IQCH: variants seen among roughly 807,000 people sequenced by gnomAD.
IQCH encodes the protein IQ motif containing H.
In IQCH, 98 loss-of-function variants were observed where a neutral mutation model predicts 117.0. The observed-to-expected ratio is 0.84, with a 90% CI of 0.71 to 0.99. The LOEUF is 0.99. Ranked by LOEUF, IQCH falls within the 50% of genes least tolerant of loss-of-function variation. IQCH has a pLI of 0.00. For synonymous variants in IQCH, 412 were observed against 448.2 expected, an observed-to-expected ratio of 0.92 and a Z score of 1.02; for missense variants, 1,102 against 1,243.8, an observed-to-expected ratio of 0.89 and a Z score of 1.72.
chr15:67,392,306 C>T (rs749887173), intron 12 of IQCH, among the ~76,000 whole-genome samples: 26 of 152,024 alleles, frequency 1.7e-4, no homozygotes, highest in African/African-American at 3.4e-4. Context: ...CCATTCAGTT[C>T]GTTTTCTTTT....
In IQCH at chr15:67,279,309, A is replaced by T. The variant is rs1966253177; in HGVS notation, c.270-86A>T. On this transcript the variant is annotated intron_variant, in intron 3 of 20. Coordinates refer to ENST00000335894, the MANE Select transcript of IQCH (RefSeq NM_001031715.3). ...AATATTTCCTATAAAATATAAGCTT[A>T]ATTAGGAAGCATTGTTTTAAAATTA... 6 of 697,744 alleles carry T rather than the reference A, an allele frequency of 8.6e-6. No homozygotes were observed. In the South Asian group the frequency reaches 1.0e-4, roughly 12 times the overall value. 43.2% of individuals were successfully genotyped at this position (697,744 alleles called of 1,614,324 possible).
In IQCH at chr15:67,445,151, C is replaced by T. The variant is rs1457290185; in HGVS notation, c.2506-19976C>T. ...CAGTAAAACAAAAACTTAAACACGT[C>T]GTTGAACATCTGTTACTAGTACAGT... On this transcript the variant is annotated intron_variant, in intron 16 of 20. Transcript: ENST00000335894. The surrounding 1 kb of genome is among the most constrained non-coding windows in gnomAD (Gnocchi z 4.3). 6.6e-6 allele frequency among the ~76,000 whole-genome samples: 1 copy of T among 152,018 alleles called. No individual in the cohort carries two copies. The highest frequency in any genetic ancestry group is 2.4e-5 in the African/African-American group (1 of 41,380).
At chr15:67,435,885 T>C (rs1419048325) in intron 16 of IQCH, among the ~76,000 whole-genome samples, 1 of 151,062 alleles carries the variant, frequency 6.6e-6, no homozygotes, top group Non-Finnish European at 1.5e-5. Context: ...AAAAAAAAAG[T>C]CTATTCAGAT....
intron 4 of IQCH, among the ~76,000 whole-genome samples, chr15:67,320,372 C>G (rs1198224277): frequency 6.6e-6 from 1 of 152,176 alleles, no homozygotes; most frequent in African/African-American, 2.4e-5. Context: ...TTTCTTAGAT[C>G]TTAACTGAAA....
rs1211388675 is a variant in IQCH at position 67,359,343 on chromosome 15, A to T, written c.715-504A>T. Among the ~76,000 whole-genome samples the T allele has an allele frequency of 2.0e-5, 3 of 152,368 alleles. No individual in the cohort carries two copies. Among genetic ancestry groups the T allele is most frequent in the East Asian group, 3.9e-4 (2 of 5,184 alleles). ...AAAGCTCTCCCCAACTGCTGGAAAC[A>T]GTAATATTTAATGACTTTTTCCTGT... On this transcript the variant is annotated intron_variant, in intron 7 of 20. Transcript: ENST00000335894. This position sits in a 1 kb window ranked among gnomAD's most constrained non-coding sequence, Gnocchi z 4.5.
At chr15:67,351,092 C>CT (rs1362795060) in intron 6 of IQCH, among the ~76,000 whole-genome samples, 6 of 152,120 alleles carry the variant, frequency 3.9e-5, no homozygotes, top group African/African-American at 1.2e-4. Flanking sequence ...GTTTATTTTA[C>CT]TTTAAGTTCT....
chr15:67,337,192 C>T (rs1288207173), intron 5 of IQCH, 97 bp downstream of exon 5: 3 of 1,378,860 alleles, frequency 2.2e-6, no homozygotes, highest in South Asian at 1.3e-5. Flanking sequence ...GGCTCAGCCA[C>T]TAATTCTCCT....
rs1452529775 is a variant in IQCH at position 67,340,452 on chromosome 15, A to AC, written c.508+3357_508+3358insC. On this transcript the variant is annotated intron_variant, in intron 5 of 20. Transcript: ENST00000335894. Reference sequence around the variant, plus strand: ...AAAAAAAAAAAAAAAAAAAAAAAAAAAAAAAAAAAAAACAGTAACTTGTCA... The same window carrying AC: ...AAAAAAAAAAAAAAAAAAAAAAAAAACAAAAAAAAAAAACAGTAACTTGTCA... Among the ~76,000 whole-genome samples, 203 of 116,284 alleles carry AC rather than the reference A, an allele frequency of 1.7e-3. 6 individuals are homozygous for AC. Among genetic ancestry groups the AC allele is most frequent in the East Asian group, 0.016 (30 of 1,880 alleles). 76.3% of individuals were successfully genotyped at this position (116,284 alleles called of 152,430 possible).
At position 67,475,970 on chromosome 15, in the gene IQCH, C is replaced by T. The variant is rs1367868898; in HGVS notation, c.2799+152C>T. ...AGGCTGATTGCTGCTTGGGGAAGAG[C>T]AGATACGCAACTCCACAGAAAGTAG... On this transcript the variant is annotated intron_variant, in intron 18 of 20. Transcript: ENST00000335894. The surrounding 1 kb of genome is among the most constrained non-coding windows in gnomAD (Gnocchi z 5.7). The T allele has an allele frequency of 7.4e-6, 5 of 674,126 alleles. No homozygotes were observed. Among genetic ancestry groups the T allele is most frequent in the Non-Finnish European group, 1.3e-5 (5 of 399,868 alleles). 41.8% of individuals were successfully genotyped at this position (674,126 alleles called of 1,614,324 possible).
chr15:67,475,750 C>A lies in IQCH; in HGVS notation c.2731C>A (p.Leu911Ile). The A allele has an allele frequency of 6.2e-7, 1 of 1,614,120 alleles. No individual in the cohort carries two copies. Among genetic ancestry groups the A allele is most frequent in the Non-Finnish European group, 8.5e-7 (1 of 1,179,950 alleles). The change falls in exon 18 of 21, where the codon CTC becomes ATC. Residue 911 changes from leucine (L) to isoleucine (I), a missense_variant. Physicochemically the swap from Leu to Ile is conservative, Grantham distance 5. This residue lies in a region of IQCH where 650 missense variants were observed against 794.3 expected (regional missense o/e 0.82). Coordinates refer to ENST00000335894, the MANE Select transcript of IQCH (RefSeq NM_001031715.3). This position sits in a 1 kb window ranked among gnomAD's most constrained non-coding sequence, Gnocchi z 5.7. ...GACCACCCAGCTAAGACACAGCAAT[C>A]TCTCACTGGTTTTCCACTATGTTTT... is the stretch of plus-strand genomic sequence containing the variant. ...VMTTQLRHSN[L>I]SLVFHYVFLQ...
At chr15:67,434,921 G>A (rs992782431) in intron 16 of IQCH, among the ~76,000 whole-genome samples, 73 of 150,220 alleles carry the variant, frequency 4.9e-4, no homozygotes, top group African/African-American at 1.6e-3. Flanking sequence ...GACTACAAGC[G>A]CGTCACCACG....
rs1163906914 is a variant in IQCH, at chr15:67,456,251, G to A, written c.2506-8876G>A. ...GATCCTCAAATTAATTTTAGATATAGTTTCTGCATATCATGAACGAATTTC... is the reference window on the plus strand; with the variant it reads ...GATCCTCAAATTAATTTTAGATATAATTTCTGCATATCATGAACGAATTTC... On this transcript the variant is annotated intron_variant, in intron 16 of 20. Transcript: ENST00000335894. The surrounding 1 kb of genome is among the most constrained non-coding windows in gnomAD (Gnocchi z 5.1). Among the ~76,000 whole-genome samples, 1 of 152,168 alleles carries A rather than the reference G, an allele frequency of 6.6e-6. No homozygotes were observed. The highest frequency in any genetic ancestry group is 2.4e-5 in the African/African-American group (1 of 41,438).
At chr15:67,301,918 C>T (rs1967064434) in intron 4 of IQCH, among the ~76,000 whole-genome samples, 1 of 152,132 alleles carries the variant, frequency 6.6e-6, no homozygotes, top group South Asian at 2.1e-4. Context: ...GTACACCTAT[C>T]ATTTCTGTTG....
intron 14 of IQCH, among the ~76,000 whole-genome samples, chr15:67,409,128 T>C (rs530504474): frequency 1.3e-5 from 2 of 152,232 alleles, no homozygotes; most frequent in African/African-American, 4.8e-5. Flanking sequence ...CTGGGAGTAG[T>C]GTAAACAACT....
chr15:67,316,795 C>T (rs1448661223), intron 4 of IQCH, among the ~76,000 whole-genome samples: 1 of 152,172 alleles, frequency 6.6e-6, no homozygotes, highest in Non-Finnish European at 1.5e-5. Context: ...TCAAACTCAA[C>T]CAGTCGGACT....
intron 5 of IQCH, among the ~76,000 whole-genome samples, chr15:67,337,348 T>TTAC (rs1968941452): frequency 6.6e-6 from 1 of 152,200 alleles, no homozygotes; most frequent in Admixed American, 6.5e-5. Context: ...GATGGTGTTA[T>TTAC]TACCTATTAA....
At chr15:67,362,066 C>A (rs1400931243) in intron 8 of IQCH, among the ~76,000 whole-genome samples, 1 of 151,542 alleles carries the variant, frequency 6.6e-6, no homozygotes, top group Admixed American at 6.6e-5. Context: ...CTTCTGGGAA[C>A]AGGAAGAAAG....
chr15:67,396,315 G>A (rs985310700), intron 13 of IQCH, among the ~76,000 whole-genome samples: 2 of 152,268 alleles, frequency 1.3e-5, no homozygotes, highest in South Asian at 4.1e-4. Flanking sequence ...GGAAGCGATC[G>A]AAATGGAGGA....
intron 20 of IQCH, among the ~76,000 whole-genome samples, chr15:67,498,258 T>A (rs1401093673): frequency 2.0e-5 from 3 of 152,148 alleles, no homozygotes; most frequent in African/African-American, 7.2e-5. Flanking sequence ...GAAAAAATAT[T>A]TTTTAAATAA....
Sources: allele counts gnomAD v4.1 joint callset (sites outside exome capture counted in the v4.1 genomes callset), GRCh38; gene constraint gnomAD v4.1.1; regional missense constraint gnomAD v4.1.1; non-coding constraint Gnocchi (gnomAD v3.1); transcripts MANE v1.5; gene names NCBI Gene and HGNC (gene_info 2026-07-23, HGNC 2026-07-21).